Variants in RGS6 observed in about 807,000 individuals in gnomAD.
RGS6 encodes regulator of G-protein signaling 6.
A neutral mutation model predicts 78.5 loss-of-function variants in RGS6; 30 were observed. That is an observed-to-expected ratio of 0.38 (90% confidence interval 0.29 to 0.52). The LOEUF (loss-of-function observed/expected upper bound fraction) is 0.52, where lower values mean the gene tolerates loss of function less well. Among genes scored for constraint, RGS6 ranks in the 20% least tolerant of loss-of-function variants. The pLI, the probability that RGS6 is intolerant of heterozygous loss-of-function variation, is 0.85. For synonymous variants in RGS6, 206 were observed against 206.0 expected, an observed-to-expected ratio of 1.00 and a Z score of 0.00; for missense variants, 495 against 609.7, an observed-to-expected ratio of 0.81 and a Z score of 1.98.
At chr14:72,071,522 A>G (rs990846668) in intron 2 of RGS6, among the ~76,000 whole-genome samples, 1 of 152,234 alleles carries the variant, frequency 6.6e-6, no homozygotes, top group Admixed American at 6.5e-5. Context: ...CATTAGCGGT[A>G]CACAAGAGTT....
chr14:72,140,152 T>A (rs2096518550), intron 2 of RGS6, among the ~76,000 whole-genome samples: 1 of 152,154 alleles, frequency 6.6e-6, no homozygotes, highest in African/African-American at 2.4e-5. Flanking sequence ...TGTGCATGGT[T>A]TTTGTAGAAG....
intron 2 of RGS6, among the ~76,000 whole-genome samples, chr14:72,119,423 T>G (rs914548726): frequency 2.0e-5 from 3 of 152,178 alleles, no homozygotes; most frequent in African/African-American, 7.2e-5. Flanking sequence ...GTGGTAGTTT[T>G]GTTGGGGGCA....
At chr14:72,323,881 A>G (rs1732357001) in intron 2 of RGS6, among the ~76,000 whole-genome samples, 1 of 144,100 alleles carries the variant, frequency 6.9e-6, no homozygotes. Context: ...ATATGTCTCC[A>G]TATCTTTTTT....
In RGS6 at chr14:72,206,655, G is replaced by A. The variant is rs562253907; in HGVS notation, c.85-145440G>A. Among the ~76,000 whole-genome samples, 4 of 152,258 alleles carry A rather than the reference G, an allele frequency of 2.6e-5. No individual in the cohort carries two copies. The East Asian group carries it at 5.8e-4, about 22-fold the overall frequency. On this transcript the variant is annotated intron_variant, in intron 2 of 17. Transcript: ENST00000553525. ...ATGGATGGCAGCAGGCAGAAAAAGAGAGTTTGTCCAGGGAAACACCCATTT... is the reference window on the plus strand; with the variant it reads ...ATGGATGGCAGCAGGCAGAAAAAGAAAGTTTGTCCAGGGAAACACCCATTT...
chr14:72,376,922 A>G (rs1023850994), intron 3 of RGS6, among the ~76,000 whole-genome samples: 1 of 152,180 alleles, frequency 6.6e-6, no homozygotes, highest in African/African-American at 2.4e-5. Context: ...CAATACACAA[A>G]GGAGAAAGAA....
At chr14:72,136,113 C>G (rs1445267918) in intron 2 of RGS6, among the ~76,000 whole-genome samples, 1 of 152,084 alleles carries the variant, frequency 6.6e-6, no homozygotes, top group Non-Finnish European at 1.5e-5. Context: ...TCTTCCCTTG[C>G]CCTGAATAAC....
intron 2 of RGS6, among the ~76,000 whole-genome samples, chr14:72,266,226 G>T (rs892184944): frequency 2.6e-5 from 4 of 152,188 alleles, no homozygotes; most frequent in Non-Finnish European, 5.9e-5. Flanking sequence ...TGGTGGGATG[G>T]CTGGAAGGCA....
intron 3 of RGS6, among the ~76,000 whole-genome samples, chr14:72,369,755 G>A (rs1364152985): frequency 6.6e-6 from 1 of 151,986 alleles, no homozygotes; most frequent in African/African-American, 2.4e-5. Flanking sequence ...TATTTGTCCA[G>A]GTCTAATGTA....
the RGS6 span, among the ~76,000 whole-genome samples, chr14:71,916,650 C>T: frequency 6.6e-6 from 1 of 152,154 alleles, no homozygotes; most frequent in Non-Finnish European, 1.5e-5. Flanking sequence ...GATGGCACCA[C>T]TGAGGCATGA....
chr14:72,207,717 G>A (rs114472058), intron 2 of RGS6, among the ~76,000 whole-genome samples: 1,639 of 152,240 alleles, frequency 0.011, 22 homozygotes, highest in African/African-American at 0.037. Flanking sequence ...TTACTTCTCT[G>A]TTTCTCAGAG....
At chr14:72,096,090 G>T (rs1464598549) in intron 2 of RGS6, among the ~76,000 whole-genome samples, 2 of 152,106 alleles carry the variant, frequency 1.3e-5, no homozygotes, top group Non-Finnish European at 2.9e-5. Context: ...CCAACATGGT[G>T]AAACCCCATC....
intron 2 of RGS6, among the ~76,000 whole-genome samples, chr14:72,004,118 G>A (rs1321596278): frequency 2.6e-5 from 4 of 152,202 alleles, no homozygotes; most frequent in African/African-American, 9.6e-5. Context: ...GGGCAACACA[G>A]ATTGGGAATG....
In RGS6 at chr14:72,159,957, TA is replaced by T. The variant is rs1287509455; in HGVS notation, c.85-192136del. 2.0e-5 allele frequency among the ~76,000 whole-genome samples: 3 copies of T among 152,228 alleles called. No individual in the cohort carries two copies. The East Asian group carries it at 5.8e-4, about 29-fold the overall frequency. ...TAATTTCAAGATTTTAAGTTCAACT[TA>T]AGGTACTTTACAAAATTATTTTTAT... On this transcript the variant is annotated intron_variant, in intron 2 of 17. Transcript: ENST00000553525.
chr14:72,408,341 T>A (rs1271095818), intron 3 of RGS6, among the ~76,000 whole-genome samples: 1 of 152,196 alleles, frequency 6.6e-6, no homozygotes, highest in Non-Finnish European at 1.5e-5. Context: ...TTTATGATAA[T>A]CTTTTCATTG....
At chr14:72,540,489 CGA>C in intron 17 of RGS6, 3 of 1,525,144 alleles carry the variant, frequency 2.0e-6, no homozygotes, top group Non-Finnish European at 2.6e-6. Flanking sequence ...CATAGCTCAT[CGA>C]AAAAAAAAAA....
intron 3 of RGS6, among the ~76,000 whole-genome samples, chr14:72,409,076 C>T (rs2093184240): frequency 6.6e-6 from 1 of 152,134 alleles, no homozygotes; most frequent in Non-Finnish European, 1.5e-5. Context: ...ATATAAAAAT[C>T]ATAATAAAAA....
the RGS6 span, among the ~76,000 whole-genome samples, chr14:72,576,203 T>C: frequency 6.6e-6 from 1 of 152,242 alleles, no homozygotes; most frequent in Non-Finnish European, 1.5e-5. Context: ...AGTTTTTCTA[T>C]ATAGGATATT....
intron 3 of RGS6, among the ~76,000 whole-genome samples, chr14:72,447,080 G>A (rs1488323964): frequency 6.6e-6 from 1 of 152,154 alleles, no homozygotes; most frequent in Non-Finnish European, 1.5e-5. Context: ...GGCCCAGGGA[G>A]TAGCAGATGC....
intron 3 of RGS6, among the ~76,000 whole-genome samples, chr14:72,374,674 A>G (rs1313478374): frequency 6.6e-6 from 1 of 152,252 alleles, no homozygotes; most frequent in East Asian, 1.9e-4. Context: ...ACAAAACAAC[A>G]TAAGGATAAG....
Sources: gnomAD v4.1 joint callset for allele counts (sites outside exome capture counted in the v4.1 genomes callset) on GRCh38, gnomAD v4.1.1 for gene constraint, MANE v1.5 for transcripts, NCBI Gene and HGNC (gene_info 2026-07-23, HGNC 2026-07-21) for gene names.